Variants in ADGRL3 observed in about 807,000 individuals in gnomAD.
ADGRL3 encodes the protein calcium-independent alpha-latrotoxin receptor 3.
A neutral mutation model predicts 153.5 loss-of-function variants in ADGRL3; 62 were observed. That is an observed-to-expected ratio of 0.40 (90% CI 0.33 to 0.50). The LOEUF (loss-of-function observed/expected upper bound fraction) is 0.50, where lower values mean the gene tolerates loss of function less well. Among genes scored for constraint, ADGRL3 ranks in the 20% least tolerant of loss-of-function variants. The pLI, the probability that ADGRL3 is intolerant of heterozygous loss-of-function variation, is 0.47. For synonymous variants in ADGRL3, 710 were observed against 672.5 expected, an observed-to-expected ratio of 1.06 and a Z score of -0.86; for missense variants, 1,641 against 1,859.4, an observed-to-expected ratio of 0.88 and a Z score of 2.16.
chr4:62,001,529 T>C (rs571410218), intron 21 of ADGRL3, among the ~76,000 whole-genome samples: 1 of 152,320 alleles, frequency 6.6e-6, no homozygotes, highest in Admixed American at 6.5e-5. Flanking sequence ...GAAAATTTCA[T>C]TTTTATTTAA....
chr4:61,297,468 T>A (rs1286431171), intron 1 of ADGRL3, among the ~76,000 whole-genome samples: 2 of 152,182 alleles, frequency 1.3e-5, no homozygotes, highest in East Asian at 3.8e-4. Context: ...AAATAAATTT[T>A]TAATTTATTG....
chr4:61,236,674 G>A (rs772849471), intron 1 of ADGRL3, among the ~76,000 whole-genome samples: 1 of 152,150 alleles, frequency 6.6e-6, no homozygotes. Context: ...GTAGAGGTCA[G>A]TGTAAGATAT....
chr4:61,344,481 G>A (rs1359987403), intron 1 of ADGRL3, among the ~76,000 whole-genome samples: 1 of 152,104 alleles, frequency 6.6e-6, no homozygotes, highest in Non-Finnish European at 1.5e-5. Context: ...CCCCTAAAAG[G>A]TCAGCCAAAG....
intron 5 of ADGRL3, among the ~76,000 whole-genome samples, chr4:61,650,215 AT>A (rs1387344174): frequency 2.6e-5 from 4 of 152,120 alleles, no homozygotes; most frequent in East Asian, 1.9e-4. Flanking sequence ...AAGCAGGATA[AT>A]TTTTTTTGTA....
At chr4:61,870,835 C>T (rs187674098) in intron 9 of ADGRL3, among the ~76,000 whole-genome samples, 154 of 152,282 alleles carry the variant, frequency 1.0e-3, no homozygotes, top group Non-Finnish European at 1.5e-3. Context: ...CACTTACACA[C>T]AGCTGGTGGG....
chr4:61,835,982 C>T (rs895235586), intron 9 of ADGRL3, among the ~76,000 whole-genome samples: 11 of 152,168 alleles, frequency 7.2e-5, no homozygotes, highest in African/African-American at 2.4e-4. Context: ...AATTCCTGTC[C>T]TCCAGATGGC....
chr4:61,906,594 A>G (rs1205305342), intron 11 of ADGRL3, among the ~76,000 whole-genome samples: 1 of 152,156 alleles, frequency 6.6e-6, no homozygotes, highest in Non-Finnish European at 1.5e-5. Flanking sequence ...TCACATGTCA[A>G]AGTTTAATAG....
At chr4:61,518,958 A>T (rs2098514247) in intron 4 of ADGRL3, among the ~76,000 whole-genome samples, 4 of 152,186 alleles carry the variant, frequency 2.6e-5, no homozygotes, top group Admixed American at 2.6e-4. Flanking sequence ...TTATTTCATC[A>T]TAACTTTGTC....
At chr4:61,869,961 AGAGAG>A (rs1366243936) in intron 9 of ADGRL3, among the ~76,000 whole-genome samples, 272 of 93,612 alleles carry the variant, frequency 2.9e-3, no homozygotes, top group Middle Eastern at 4.7e-3. Flanking sequence ...AAAAAAAAAA[AGAGAG>A]AGAGAGAGAA....
intron 1 of ADGRL3, among the ~76,000 whole-genome samples, chr4:61,371,871 G>T (rs929378070): frequency 8.0e-4 from 122 of 152,178 alleles, no homozygotes; most frequent in Admixed American, 1.7e-3. Flanking sequence ...GGTACACCAA[G>T]CAGATGTAGA....
intron 2 of ADGRL3, among the ~76,000 whole-genome samples, chr4:61,475,480 G>T (rs895646914): frequency 2.0e-5 from 3 of 152,076 alleles, no homozygotes; most frequent in African/African-American, 7.2e-5. Context: ...AACAGTTAGT[G>T]CTAATGGCAA....
At chr4:61,208,104 C>T (rs190082994) in intron 1 of ADGRL3, among the ~76,000 whole-genome samples, 2 of 152,226 alleles carry the variant, frequency 1.3e-5, no homozygotes, top group Admixed American at 6.5e-5. Context: ...GATATGCAGC[C>T]TGATCTGCTG....
chr4:61,869,599 C>T (rs1353314931), intron 9 of ADGRL3, among the ~76,000 whole-genome samples: 2 of 151,268 alleles, frequency 1.3e-5, no homozygotes, highest in Non-Finnish European at 2.9e-5. Flanking sequence ...AGCGAGACTC[C>T]GTCTCAAAAA....
intron 4 of ADGRL3, among the ~76,000 whole-genome samples, chr4:61,573,462 G>A (rs943278373): frequency 2.6e-5 from 4 of 151,862 alleles, no homozygotes; most frequent in African/African-American, 9.7e-5. Flanking sequence ...CATTGAATCA[G>A]TGAATGATTG....
At chr4:61,938,003 C>T (rs914260520) in intron 15 of ADGRL3, among the ~76,000 whole-genome samples, 10 of 152,138 alleles carry the variant, frequency 6.6e-5, no homozygotes, top group African/African-American at 1.9e-4. Context: ...GGGATCCTCC[C>T]AACTCAGCCT....
chr4:62,023,245 G>T (rs1185888342), intron 21 of ADGRL3, among the ~76,000 whole-genome samples: 2 of 152,064 alleles, frequency 1.3e-5, no homozygotes, highest in Non-Finnish European at 2.9e-5. Context: ...AAGTAGAAGT[G>T]GATCCTGAAG....
At chr4:61,779,245 A>T (rs2097186578) in intron 8 of ADGRL3, among the ~76,000 whole-genome samples, 1 of 151,198 alleles carries the variant, frequency 6.6e-6, no homozygotes, top group Non-Finnish European at 1.5e-5. Flanking sequence ...ACTTAACTGA[A>T]TTTTTTTTTA....
chr4:61,539,315 G>T (rs184698302), intron 4 of ADGRL3, among the ~76,000 whole-genome samples: 2 of 152,328 alleles, frequency 1.3e-5, no homozygotes, highest in Non-Finnish European at 2.9e-5. Context: ...GTAACAGTGG[G>T]TTGGGGAACA....
At chr4:61,254,518 C>G (rs1179529064) in intron 1 of ADGRL3, among the ~76,000 whole-genome samples, 3 of 152,100 alleles carry the variant, frequency 2.0e-5, no homozygotes, top group African/African-American at 7.2e-5. Flanking sequence ...TAACTTCTAC[C>G]TGAAAACCAG....
Sources: allele counts gnomAD v4.1 joint callset (sites outside exome capture counted in the v4.1 genomes callset), GRCh38; gene constraint gnomAD v4.1.1; transcripts MANE v1.5; gene names NCBI Gene and HGNC (gene_info 2026-07-23, HGNC 2026-07-21).